The following COPG2 variants were observed in gnomAD, a reference collection of about 807,000 sequenced individuals.
COPG2 encodes coatomer subunit gamma-2.
In COPG2, 37 loss-of-function variants were observed where a neutral mutation model predicts 46.3. The ratio of observed to expected loss-of-function variants is 0.80; its 90% CI spans 0.61 to 1.05. The LOEUF is 1.05. Among genes scored for constraint, COPG2 ranks in the 50% least tolerant of loss-of-function variants. COPG2 has a pLI of 0.00. For missense variants in COPG2, 427 were observed against 387.8 expected (o/e 1.10, Z -0.85); for synonymous variants, 159 against 129.7 (o/e 1.23, Z -1.53).
At chr7:130,529,136 C>T (rs1237977437) in intron 20 of COPG2, among the ~76,000 whole-genome samples, 6 of 152,012 alleles carry the variant, frequency 3.9e-5, no homozygotes, top group Non-Finnish European at 8.8e-5. Context: ...GTTAAGGGTG[C>T]CTTAAGATAG....
intron 15 of COPG2, among the ~76,000 whole-genome samples, chr7:130,552,148 G>A (rs1793541567): frequency 1.3e-5 from 2 of 152,276 alleles, no homozygotes; most frequent in Admixed American, 1.3e-4. Flanking sequence ...GGGCTTTCAT[G>A]AAGTGATCAG....
At chr7:130,538,918 G>T (rs1799910017) in intron 20 of COPG2, among the ~76,000 whole-genome samples, 1 of 152,096 alleles carries the variant, frequency 6.6e-6, no homozygotes, top group East Asian at 1.9e-4. Context: ...TCAAACACAG[G>T]TAGCATCTTA....
chr7:130,667,603 G>A, intron 1 of COPG2, 69 bp from the exon 2 acceptor site: 2 of 1,253,504 alleles, frequency 1.6e-6, no homozygotes, highest in East Asian at 2.3e-5. Context: ...ACTTTCCAGA[G>A]AAGGGTACTG....
In COPG2 at chr7:130,660,297, G is replaced by A. The variant is rs527881978; in HGVS notation, c.243+2670C>T. On this transcript the variant is annotated intron_variant, in intron 4 of 23. Coordinates refer to ENST00000425248, the MANE Select transcript of COPG2 (RefSeq NM_012133.6). ...TCCTTGCATCTGGGTACAGCACCTC[G>A]TCTGACTCCATTTTCCACCCTTCTA... Among the ~76,000 whole-genome samples the A allele has an allele frequency of 1.4e-4, 22 of 152,226 alleles. No individual in the cohort carries two copies. In the South Asian group the frequency reaches 1.5e-3, roughly 10 times the overall value.
intron 4 of COPG2, among the ~76,000 whole-genome samples, chr7:130,661,571 T>C (rs1197812105): frequency 1.3e-5 from 2 of 152,232 alleles, no homozygotes; most frequent in Admixed American, 1.3e-4. Flanking sequence ...GTTGCTTCTC[T>C]GATTTGATTG....
intron 9 of COPG2, among the ~76,000 whole-genome samples, chr7:130,576,589 C>T (rs1252569483): frequency 2.0e-5 from 3 of 151,938 alleles, no homozygotes; most frequent in Non-Finnish European, 2.9e-5. Flanking sequence ...AGTTCATAGC[C>T]CTCCATCAAA....
intron 9 of COPG2, chr7:130,607,644 C>T (rs1794759786): frequency 1.9e-6 from 1 of 512,850 alleles, no homozygotes; most frequent in South Asian, 1.4e-5. Context: ...TTCAGTTGGT[C>T]AGCCAGTGAT....
Position 130,523,212 on chromosome 7 carries a change from A to G in COPG2, c.2150-14553T>C, listed in dbSNP as rs1230772414. 3.3e-5 allele frequency among the ~76,000 whole-genome samples: 5 copies of G among 150,228 alleles called. No homozygotes were observed. The East Asian group carries it at 9.9e-4, about 30-fold the overall frequency. ...ATAGGGAGTCAAGGTGGCTGTCCAC[A>G]TCAGTGATTCTTATCTGAGGTGGGG... On this transcript the variant is annotated intron_variant, in intron 20 of 23. Coordinates refer to ENST00000425248, the MANE Select transcript of COPG2 (RefSeq NM_012133.6).
At chr7:130,607,544 G>T in intron 9 of COPG2, 2 of 425,444 alleles carry the variant, frequency 4.7e-6, no homozygotes, top group Admixed American at 6.0e-5. Context: ...CCTCCATAGT[G>T]AGTTGCAGCT....
chr7:130,615,272 C>T (rs1260566080), intron 6 of COPG2, among the ~76,000 whole-genome samples: 3 of 152,172 alleles, frequency 2.0e-5, no homozygotes, highest in Non-Finnish European at 4.4e-5. Flanking sequence ...ACTGGATTAT[C>T]GCTCCTGTTG....
chr7:130,511,048 A>G (rs1444113585), intron 20 of COPG2: 5 of 507,890 alleles, frequency 9.8e-6, no homozygotes, highest in Non-Finnish European at 1.6e-5. Flanking sequence ...GGAGATTTGT[A>G]TGAAAAGAAC....
chr7:130,584,188 A>G (rs1425964378), intron 9 of COPG2, among the ~76,000 whole-genome samples: 1 of 152,074 alleles, frequency 6.6e-6, no homozygotes. Context: ...TACATCACAT[A>G]AACAAAATTA....
rs1383853071 is a variant in COPG2, at chr7:130,554,743, A to T, written c.1225-19T>A. 1 of 398,500 alleles carries T rather than the reference A, an allele frequency of 2.5e-6. No individual in the cohort carries two copies. Among genetic ancestry groups the T allele is most frequent in the East Asian group, 3.6e-5 (1 of 28,088 alleles). The allele number at this position is 398,500 out of a possible 1,614,324, so 24.7% of individuals were successfully genotyped here. ...AGCCTCCCTGGCAAAAAAGAAGATA[A>T]AACTGCCATTCATTCTAGGGACACA... On this transcript the variant is annotated intron_variant, in intron 13 of 23. Transcript: ENST00000425248.
chr7:130,550,473 T>G, intron 17 of COPG2, 51 bp downstream of exon 17: 1 of 367,290 alleles, frequency 2.7e-6, no homozygotes, highest in Admixed American at 4.6e-5. Flanking sequence ...TATGCTAATA[T>G]TTTTTAGTTT....
intron 22 of COPG2, 127 bp from the exon 23 acceptor site, chr7:130,507,499 G>A: frequency 1.1e-5 from 8 of 703,886 alleles, no homozygotes. Flanking sequence ...GTGATGTGTA[G>A]AGGGAGGCTA....
rs1447025056 is a variant in COPG2 at position 130,662,976 on chromosome 7, T to G, written c.234A>C (p.Gln78His). 3 of 1,545,102 alleles carry G rather than the reference T, an allele frequency of 1.9e-6. No individual in the cohort carries two copies. The highest frequency in any genetic ancestry group is 2.6e-6 in the Non-Finnish European group (3 of 1,143,838). Residue 78 changes from glutamine (Q) to histidine (H), a missense_variant, in exon 4 of 24, where the codon CAA becomes CAC. Gln to His is a conservative substitution (Grantham distance 24). Transcript: ENST00000425248. ...ATTTAAAAAGACTTACATCATTAGA[T>G]TGAAACAATCGCGTCATTGCAAAGA... is the stretch of plus-strand genomic sequence containing the variant. ...EAFFAMTRLFQSNDQTLRRMC... is the reference protein window; with the variant it reads ...EAFFAMTRLFHSNDQTLRRMC...
intron 4 of COPG2, among the ~76,000 whole-genome samples, chr7:130,661,330 C>T (rs1487447254): frequency 2.0e-5 from 3 of 152,210 alleles, no homozygotes; most frequent in Non-Finnish European, 4.4e-5. Flanking sequence ...CTTGGGAAGA[C>T]ACCTGGCTGC....
At chr7:130,622,103 C>T (rs1364185981) in intron 5 of COPG2, among the ~76,000 whole-genome samples, 2 of 152,020 alleles carry the variant, frequency 1.3e-5, no homozygotes, top group African/African-American at 4.8e-5. Context: ...GGAAGGTGTT[C>T]AGACGGTGAA....
chr7:130,635,179 G>A (rs917219863), intron 5 of COPG2, among the ~76,000 whole-genome samples: 2 of 151,572 alleles, frequency 1.3e-5, no homozygotes, highest in East Asian at 3.9e-4. Flanking sequence ...TTCTTTTTTT[G>A]TTGTGTCTCT....
Sources: gnomAD v4.1 joint callset for allele counts (sites outside exome capture counted in the v4.1 genomes callset) on GRCh38, gnomAD v4.1.1 for gene constraint, MANE v1.5 for transcripts, NCBI Gene and HGNC (gene_info 2026-07-23, HGNC 2026-07-21) for gene names.